The following GRM7 variants were observed in gnomAD, a reference collection of about 807,000 sequenced individuals.
GRM7 encodes glutamate metabotropic receptor 7.
In GRM7, 35 loss-of-function variants were observed where a neutral mutation model predicts 84.5. That is an observed-to-expected ratio of 0.41 (90% confidence interval 0.32 to 0.55). The LOEUF (loss-of-function observed/expected upper bound fraction) is 0.55, where lower values mean the gene tolerates loss of function less well. Among genes scored for constraint, GRM7 ranks in the 20% least tolerant of loss-of-function variants. The pLI, the probability that GRM7 is intolerant of heterozygous loss-of-function variation, is 0.19. For missense variants in GRM7, 1,003 were observed against 1,194.6 expected, an observed-to-expected ratio of 0.84 and a Z score of 2.36; for synonymous variants, 487 against 455.1, an observed-to-expected ratio of 1.07 and a Z score of -0.89.
intron 1 of GRM7, among the ~76,000 whole-genome samples, chr3:6,945,407 G>T (rs984304508): frequency 4.9e-4 from 75 of 152,000 alleles, no homozygotes; most frequent in Non-Finnish European, 9.7e-4. Context: ...ATTTTTTATG[G>T]CTGCATAGTA....
intron 8 of GRM7, among the ~76,000 whole-genome samples, chr3:7,662,840 TATTGTATATGC>T (rs1347743514): frequency 6.6e-6 from 1 of 152,194 alleles, no homozygotes. Flanking sequence ...AAAATATATG[TATTGTATATGC>T]TTACATGTAT....
At chr3:7,583,979 T>C (rs943642416) in intron 8 of GRM7, among the ~76,000 whole-genome samples, 35 of 152,288 alleles carry the variant, frequency 2.3e-4, no homozygotes, top group African/African-American at 8.4e-4. Context: ...GTGAGAAATA[T>C]GATAGTTGTC....
intron 2 of GRM7, among the ~76,000 whole-genome samples, chr3:7,245,653 A>C (rs1697729834): frequency 6.6e-6 from 1 of 152,104 alleles, no homozygotes; most frequent in African/African-American, 2.4e-5. Context: ...TAATCTCAAC[A>C]AGCCTACACT....
In GRM7 at chr3:7,550,065, T is replaced by C. The variant is rs578085770; in HGVS notation, c.1516-28357T>C. Among the ~76,000 whole-genome samples, 86 of 152,172 alleles carry C rather than the reference T, an allele frequency of 5.7e-4. 1 individual carries two copies. The highest frequency in any genetic ancestry group is 1.6e-3 in the African/African-American group (66 of 41,522). ...ATCCTCCCCCTCTTTACATAAAGTA[T>C]AGTGTAATATAGTTATTGTCCTTTA... On this transcript the variant is annotated intron_variant, in intron 7 of 9. Coordinates refer to ENST00000357716, the MANE Select transcript of GRM7 (RefSeq NM_000844.4).
chr3:7,078,855 T>TTG (rs1553614370), intron 1 of GRM7, among the ~76,000 whole-genome samples: 2 of 150,318 alleles, frequency 1.3e-5, no homozygotes, highest in African/African-American at 4.9e-5. Flanking sequence ...CTGAGTTTGT[T>TTG]TTTTTTTTTT....
intron 7 of GRM7, among the ~76,000 whole-genome samples, chr3:7,551,523 G>A (rs1282694528): frequency 2.0e-5 from 3 of 151,928 alleles, no homozygotes; most frequent in Non-Finnish European, 4.4e-5. Flanking sequence ...TAGTGTACAA[G>A]TAGGGTAAAA....
At chr3:7,695,216 G>A (rs995814694) in intron 9 of GRM7, among the ~76,000 whole-genome samples, 1 of 152,158 alleles carries the variant, frequency 6.6e-6, no homozygotes. Context: ...ACTAAATAAA[G>A]CTGAAGTTAA....
At chr3:6,895,168 G>A (rs1391751218) in intron 1 of GRM7, among the ~76,000 whole-genome samples, 7 of 152,036 alleles carry the variant, frequency 4.6e-5, no homozygotes. Context: ...TCAATCTACT[G>A]GAAAGTAAAT....
chr3:7,172,549 C>G (rs145536186), intron 2 of GRM7, among the ~76,000 whole-genome samples: 3 of 126,378 alleles, frequency 2.4e-5, no homozygotes, highest in African/African-American at 9.3e-5. Context: ...TCTTCCCCCC[C>G]GCCCCCCCCA....
chr3:6,957,046 T>A (rs1413401246), intron 1 of GRM7, among the ~76,000 whole-genome samples: 1 of 152,230 alleles, frequency 6.6e-6, no homozygotes, highest in African/African-American at 2.4e-5. Context: ...TATAGCGTTA[T>A]AATTTTCCCA....
chr3:7,275,942 A>G (rs753888499), intron 2 of GRM7, among the ~76,000 whole-genome samples: 3 of 151,980 alleles, frequency 2.0e-5, no homozygotes, highest in African/African-American at 7.2e-5. Flanking sequence ...AGGTTTTCCT[A>G]TCCCAGCATT....
At chr3:7,001,943 C>G (rs534603263) in intron 1 of GRM7, among the ~76,000 whole-genome samples, 25 of 152,258 alleles carry the variant, frequency 1.6e-4, no homozygotes, top group Non-Finnish European at 3.4e-4. Context: ...CATTAAGTCC[C>G]CTAAGCCAAT....
intron 1 of GRM7, among the ~76,000 whole-genome samples, chr3:7,024,990 C>T (rs1695925275): frequency 6.6e-6 from 1 of 152,154 alleles, no homozygotes; most frequent in African/African-American, 2.4e-5. Flanking sequence ...GGCAGTGTTC[C>T]AATCTGGACA....
chr3:7,396,879 A>G (rs545926089), intron 4 of GRM7, among the ~76,000 whole-genome samples: 2 of 152,252 alleles, frequency 1.3e-5, no homozygotes, highest in South Asian at 4.1e-4. Flanking sequence ...AAATAGAAGA[A>G]CTTTATGGCA....
At chr3:7,274,965 T>C (rs1054725678) in intron 2 of GRM7, among the ~76,000 whole-genome samples, 1 of 152,122 alleles carries the variant, frequency 6.6e-6, no homozygotes, top group Non-Finnish European at 1.5e-5. Context: ...GATTCCTGGA[T>C]ATTCTATTTT....
chr3:7,277,039 A>C (rs1482539920), intron 2 of GRM7, among the ~76,000 whole-genome samples: 1 of 151,968 alleles, frequency 6.6e-6, no homozygotes, highest in African/African-American at 2.4e-5. Flanking sequence ...CAGTCAAAGC[A>C]AGTGTTCTAT....
intron 7 of GRM7, among the ~76,000 whole-genome samples, chr3:7,534,901 G>A (rs1201590374): frequency 6.6e-6 from 1 of 152,158 alleles, no homozygotes; most frequent in Admixed American, 6.5e-5. Flanking sequence ...ACATCATAGG[G>A]TGTTCTGGGG....
chr3:7,577,906 A>G (rs1022707993), intron 7 of GRM7, among the ~76,000 whole-genome samples: 1 of 152,224 alleles, frequency 6.6e-6, no homozygotes. Context: ...GTATTATCCA[A>G]AATAATTTTA....
intron 4 of GRM7, among the ~76,000 whole-genome samples, chr3:7,398,368 A>T (rs1377563250): frequency 6.6e-6 from 1 of 152,150 alleles, no homozygotes; most frequent in Non-Finnish European, 1.5e-5. Context: ...AATTATACTT[A>T]ACTCTTTGTT....
Sources: allele counts gnomAD v4.1 joint callset (sites outside exome capture counted in the v4.1 genomes callset), GRCh38; gene constraint gnomAD v4.1.1; transcripts MANE v1.5; gene names NCBI Gene and HGNC (gene_info 2026-07-23, HGNC 2026-07-21).